GRM8: variants seen among roughly 807,000 people sequenced by gnomAD.
GRM8 encodes metabotropic glutamate receptor 8.
Under a neutral mutation model 87.2 loss-of-function variants are expected in GRM8, and 47 were observed. That is an observed-to-expected ratio of 0.54 (90% CI 0.43 to 0.69). GRM8 has a LOEUF of 0.69. Ranked by LOEUF, GRM8 falls within the 30% of genes least tolerant of loss-of-function variation. The pLI is 0.00. For synonymous variants in GRM8, 396 were observed against 404.5 expected (o/e 0.98, Z 0.25); for missense variants, 1,019 against 1,139.2 (o/e 0.89, Z 1.52).
intron 6 of GRM8, among the ~76,000 whole-genome samples, chr7:126,771,779 A>AGG (rs1456522104): frequency 6.6e-6 from 1 of 152,078 alleles, no homozygotes. Context: ...CTATCTCTGC[A>AGG]GGGGATTCCC....
At chr7:126,739,175 A>G (rs755176932) in intron 7 of GRM8, among the ~76,000 whole-genome samples, 42 of 152,060 alleles carry the variant, frequency 2.8e-4, no homozygotes, top group Non-Finnish European at 5.4e-4. Flanking sequence ...ATTTAAAAGG[A>G]CTAATTATTA....
chr7:126,578,660 C>T (rs1293626131), intron 8 of GRM8, among the ~76,000 whole-genome samples: 1 of 152,086 alleles, frequency 6.6e-6, no homozygotes, highest in African/African-American at 2.4e-5. Flanking sequence ...TGAGGGGCTC[C>T]AGTTACAAAA....
chr7:127,247,293 G>A (rs1046320220), intron 1 of GRM8, among the ~76,000 whole-genome samples: 1 of 152,190 alleles, frequency 6.6e-6, no homozygotes, highest in Non-Finnish European at 1.5e-5. Context: ...GTCTCTCTGG[G>A]TCTGCCATCA....
chr7:127,082,451 C>A (rs956767053), intron 3 of GRM8, among the ~76,000 whole-genome samples: 5 of 152,084 alleles, frequency 3.3e-5, no homozygotes, highest in African/African-American at 1.2e-4. Flanking sequence ...GTCTCTGGGC[C>A]TCAGTTTCTC....
intron 7 of GRM8, among the ~76,000 whole-genome samples, chr7:126,627,786 T>A (rs1481898788): frequency 6.6e-6 from 1 of 152,190 alleles, no homozygotes; most frequent in East Asian, 1.9e-4. Context: ...TTTCCTTTAA[T>A]CTGTTACCAT....
chr7:126,447,494 T>A lies in GRM8; in HGVS notation c.2431-1122A>T, dbSNP rs927647269. 2.0e-5 allele frequency among the ~76,000 whole-genome samples: 3 copies of A among 151,962 alleles called. No homozygotes were observed. The East Asian group carries it at 5.8e-4, about 30-fold the overall frequency. ...TATGATCCTGATTAGTTGGATTTTTTAAATATGTTTTAATCTGTTAGTCTT... is the reference window on the plus strand; with the variant it reads ...TATGATCCTGATTAGTTGGATTTTTAAAATATGTTTTAATCTGTTAGTCTT... On this transcript the variant is annotated intron_variant, in intron 9 of 10. Coordinates refer to ENST00000339582, the MANE Select transcript of GRM8 (RefSeq NM_000845.3).
intron 7 of GRM8, among the ~76,000 whole-genome samples, chr7:126,705,748 T>A (rs1031864400): frequency 2.6e-5 from 4 of 152,184 alleles, no homozygotes; most frequent in Admixed American, 6.6e-5. Flanking sequence ...TTGGAAAACA[T>A]TGGAGAGCCT....
rs1248486273 is a variant in GRM8 at position 126,917,792 on chromosome 7, A to T, written c.728-13109T>A. On this transcript the variant is annotated intron_variant, in intron 3 of 10. Coordinates refer to ENST00000339582, the MANE Select transcript of GRM8 (RefSeq NM_000845.3). ...TGGTATATTCAAAATGCGAACTTCA[A>T]AGTTTTACATCATCAAGGCTGCACA... 7.9e-5 allele frequency among the ~76,000 whole-genome samples: 12 copies of T among 152,316 alleles called. No individual in the cohort carries two copies. The East Asian group carries it at 2.1e-3, about 27-fold the overall frequency.
At chr7:126,510,547 T>A (rs1171519465) in intron 9 of GRM8, among the ~76,000 whole-genome samples, 1 of 152,146 alleles carries the variant, frequency 6.6e-6, no homozygotes, top group Non-Finnish European at 1.5e-5. Flanking sequence ...GAAATAAGCA[T>A]GTTTAAAGTG....
intron 1 of GRM8, among the ~76,000 whole-genome samples, 172 bp from the exon 2 acceptor site, chr7:127,243,687 G>A (rs1221880907): frequency 6.6e-6 from 1 of 152,004 alleles, no homozygotes; most frequent in East Asian, 1.9e-4. Flanking sequence ...TAAACAGGGA[G>A]ATTGATCATA....
intron 3 of GRM8, among the ~76,000 whole-genome samples, chr7:126,962,105 T>A (rs1051187576): frequency 2.0e-5 from 3 of 152,236 alleles, no homozygotes; most frequent in African/African-American, 7.2e-5. Context: ...TTTTCTATTA[T>A]ACAAAACTAA....
chr7:126,550,519 GAAAT>G (rs537022335), intron 8 of GRM8, among the ~76,000 whole-genome samples: 133 of 152,104 alleles, frequency 8.7e-4, no homozygotes, highest in Admixed American at 4.6e-3. Flanking sequence ...AGAAAAACTA[GAAAT>G]AAATAAAATT....
chr7:126,709,855 C>T (rs138917424), intron 7 of GRM8, among the ~76,000 whole-genome samples: 6 of 152,148 alleles, frequency 3.9e-5, no homozygotes, highest in East Asian at 1.9e-4. Context: ...AAAGAAAACT[C>T]GTCACTTGCA....
chr7:126,623,984 G>A (rs936696019), intron 7 of GRM8, among the ~76,000 whole-genome samples: 1 of 152,088 alleles, frequency 6.6e-6, no homozygotes, highest in African/African-American at 2.4e-5. Context: ...GCATGGACAG[G>A]TTCTATCTTC....
chr7:127,160,534 C>CGT (rs551219696), intron 2 of GRM8, among the ~76,000 whole-genome samples: 5,670 of 151,660 alleles, frequency 0.037, 358 homozygotes, highest in African/African-American at 0.13. Flanking sequence ...ATCACGCGCG[C>CGT]GCACACACAC....
chr7:126,954,018 G>A (rs1808435364), intron 3 of GRM8, among the ~76,000 whole-genome samples: 1 of 152,086 alleles, frequency 6.6e-6, no homozygotes, highest in Non-Finnish European at 1.5e-5. Flanking sequence ...TACCAAACGA[G>A]ATGCCATATG....
intron 7 of GRM8, among the ~76,000 whole-genome samples, chr7:126,727,947 A>T (rs1240674458): frequency 6.6e-6 from 1 of 152,198 alleles, no homozygotes; most frequent in African/African-American, 2.4e-5. Flanking sequence ...ATATAAGATT[A>T]CATTATTGAT....
rs1441751390 is a variant in GRM8, at chr7:127,242,932, A to G, written c.273T>C (p.Asp91=). The G allele has an allele frequency of 1.2e-6, 2 of 1,614,112 alleles. No homozygotes were observed. The highest frequency in any genetic ancestry group is 1.7e-6 in the Non-Finnish European group (2 of 1,180,010). The stretch of plus-strand genomic sequence containing the variant: ...CACCCAGAGTGATGTTGGAAAGGAG[A>G]TCAGGGTCCTTGTTAATCTGGTCAA... The part of the protein sequence containing the change: ...YAIDQINKDP[D]LLSNITLGVR... The change falls in exon 2 of 11, where the codon GAT becomes GAC. Residue 91 remains aspartate (D), a synonymous_variant. Transcript: ENST00000339582.
intron 9 of GRM8, 49 bp downstream of exon 9, chr7:126,532,903 A>T (rs754805465): frequency 2.0e-5 from 21 of 1,058,986 alleles, no homozygotes; most frequent in Non-Finnish European, 3.0e-5. Context: ...TCCTAAAAGA[A>T]GATGTTAAAT....
Sources: gnomAD v4.1 joint callset for allele counts (sites outside exome capture counted in the v4.1 genomes callset) on GRCh38, gnomAD v4.1.1 for gene constraint, MANE v1.5 for transcripts, NCBI Gene and HGNC (gene_info 2026-07-23, HGNC 2026-07-21) for gene names.